The following GALNTL6 variants were observed in gnomAD, a reference collection of about 807,000 sequenced individuals.
The protein encoded by GALNTL6 is polypeptide N-acetylgalactosaminyltransferase-like 6.
In GALNTL6, 46 loss-of-function variants were observed where a neutral mutation model predicts 73.7. That is an observed-to-expected ratio of 0.62 (90% CI 0.49 to 0.80). The LOEUF is 0.80. Among genes scored for constraint, GALNTL6 ranks in the 30% least tolerant of loss-of-function variants. The pLI is 0.00. For missense variants in GALNTL6, 604 were observed against 755.0 expected, an observed-to-expected ratio of 0.80 and a Z score of 2.34; for synonymous variants, 259 against 263.7, an observed-to-expected ratio of 0.98 and a Z score of 0.17.
intron 2 of GALNTL6, among the ~76,000 whole-genome samples, chr4:172,192,857 C>G (rs1006258296): frequency 1.3e-5 from 2 of 152,204 alleles, no homozygotes; most frequent in East Asian, 3.9e-4. Flanking sequence ...GCCATTTTCC[C>G]TTGCTGGTGC....
intron 5 of GALNTL6, among the ~76,000 whole-genome samples, chr4:172,790,864 A>C (rs1739954702): frequency 1.4e-5 from 2 of 143,348 alleles, no homozygotes. Context: ...ACACTACTGC[A>C]CTCCAGCCTG....
intron 2 of GALNTL6, among the ~76,000 whole-genome samples, chr4:171,944,858 A>G (rs1381614962): frequency 6.6e-6 from 1 of 151,994 alleles, no homozygotes; most frequent in Non-Finnish European, 1.5e-5. Flanking sequence ...CTTTTGTTGA[A>G]GCTAATTGAT....
At chr4:172,175,225 C>A (rs576500721) in intron 2 of GALNTL6, among the ~76,000 whole-genome samples, 1 of 152,178 alleles carries the variant, frequency 6.6e-6, no homozygotes, top group East Asian at 1.9e-4. Context: ...TACAGGCATG[C>A]ACCACCATAC....
At chr4:171,866,904 C>T (rs1446805775) in intron 2 of GALNTL6, among the ~76,000 whole-genome samples, 1 of 152,180 alleles carries the variant, frequency 6.6e-6, no homozygotes, top group Admixed American at 6.5e-5. Flanking sequence ...AGGATTTCAA[C>T]ATGAATTTTA....
At chr4:172,281,539 A>T (rs1245391766) in intron 3 of GALNTL6, among the ~76,000 whole-genome samples, 2 of 152,076 alleles carry the variant, frequency 1.3e-5, no homozygotes, top group Non-Finnish European at 2.9e-5. Flanking sequence ...TACTAAAAAA[A>T]AATACAAAAA....
At chr4:172,771,600 A>T (rs1738764304) in intron 5 of GALNTL6, among the ~76,000 whole-genome samples, 1 of 152,174 alleles carries the variant, frequency 6.6e-6, no homozygotes, top group African/African-American at 2.4e-5. Context: ...TTAACCACGT[A>T]CTTTGAATCA....
chr4:172,398,892 A>G (rs192196462), intron 5 of GALNTL6, among the ~76,000 whole-genome samples: 3 of 152,076 alleles, frequency 2.0e-5, no homozygotes, highest in African/African-American at 7.2e-5. Context: ...AGCCGACTGA[A>G]AACATAGACT....
intron 5 of GALNTL6, among the ~76,000 whole-genome samples, chr4:172,439,485 GTTCTTC>G (rs145104930): frequency 6.6e-6 from 1 of 151,094 alleles, no homozygotes; most frequent in Non-Finnish European, 1.5e-5. Flanking sequence ...TTCTTTGCTG[GTTCTTC>G]TTCTCCCTAA....
intron 5 of GALNTL6, among the ~76,000 whole-genome samples, chr4:172,749,455 T>G (rs986100400): frequency 2.0e-5 from 3 of 152,150 alleles, no homozygotes; most frequent in African/African-American, 7.2e-5. Context: ...CATTTATGTG[T>G]GAAGGTTCTT....
At chr4:172,740,272 A>T (rs1540476) in intron 5 of GALNTL6, among the ~76,000 whole-genome samples, 54,604 of 152,056 alleles carry the variant, frequency 0.36, 10,856 homozygotes, top group African/African-American at 0.52. Context: ...TAAGAACTTA[A>T]TTACACATTA....
intron 3 of GALNTL6, among the ~76,000 whole-genome samples, chr4:172,298,571 CA>C: frequency 6.6e-6 from 1 of 152,146 alleles, no homozygotes; most frequent in Non-Finnish European, 1.5e-5. Flanking sequence ...GAGTTTTTAG[CA>C]TGAAGGGCTG....
At chr4:172,413,500 A>G (rs1244744811) in intron 5 of GALNTL6, among the ~76,000 whole-genome samples, 1 of 152,242 alleles carries the variant, frequency 6.6e-6, no homozygotes, top group Non-Finnish European at 1.5e-5. Context: ...AAATGAAAAG[A>G]GATGCAGATG....
intron 5 of GALNTL6, among the ~76,000 whole-genome samples, chr4:172,745,430 C>CATATATATATATATAT (rs960280899): frequency 2.8e-5 from 3 of 107,382 alleles, no homozygotes; most frequent in Admixed American, 1.7e-4. Context: ...CTTTTCAAAA[C>CATATATATATATATAT]ATATATATAT....
chr4:172,737,048 G>A (rs529434667), intron 5 of GALNTL6, among the ~76,000 whole-genome samples: 4 of 151,932 alleles, frequency 2.6e-5, no homozygotes, highest in Admixed American at 6.6e-5. Flanking sequence ...CACAGTCTTG[G>A]GTATGTCTTA....
intron 5 of GALNTL6, among the ~76,000 whole-genome samples, chr4:172,412,333 C>T (rs1430567665): frequency 1.3e-5 from 2 of 152,104 alleles, no homozygotes; most frequent in African/African-American, 2.4e-5. Flanking sequence ...TGAGCCACCA[C>T]GCTGGATGGA....
At chr4:172,202,165 A>G (rs961133246) in intron 2 of GALNTL6, among the ~76,000 whole-genome samples, 3 of 152,216 alleles carry the variant, frequency 2.0e-5, no homozygotes, top group African/African-American at 4.8e-5. Flanking sequence ...TCCTCAAAGC[A>G]TAATTGTAAC....
intron 3 of GALNTL6, 33 bp from the exon 4 acceptor site, chr4:172,311,581 A>AGAT: frequency 6.4e-7 from 1 of 1,571,856 alleles, no homozygotes; most frequent in Non-Finnish European, 8.6e-7. Context: ...GCTTTTATAG[A>AGAT]GATGATAATC....
At chr4:172,596,771 C>T (rs567851697) in intron 5 of GALNTL6, among the ~76,000 whole-genome samples, 3 of 152,232 alleles carry the variant, frequency 2.0e-5, no homozygotes, top group East Asian at 1.9e-4. Context: ...TGTATATACA[C>T]ATATATACAT....
intron 3 of GALNTL6, 95 bp from the exon 4 acceptor site, chr4:172,311,519 A>G (rs1443953465): frequency 4.1e-6 from 4 of 985,372 alleles, no homozygotes; most frequent in Non-Finnish European, 5.8e-6. Context: ...GAGCACAGCA[A>G]TAGGCGATAA....
Sources: gnomAD v4.1 joint callset for allele counts (sites outside exome capture counted in the v4.1 genomes callset) on GRCh38, gnomAD v4.1.1 for gene constraint, MANE v1.5 for transcripts, NCBI Gene and HGNC (gene_info 2026-07-23, HGNC 2026-07-21) for gene names.